Variants in NEBL observed in about 807,000 individuals in gnomAD.
NEBL encodes LIM and SH3 protein 2.
NEBL carries 122 observed loss-of-function variants against 140.2 expected under a neutral mutation model. That is an observed-to-expected ratio of 0.87 (90% CI 0.75 to 1.01). The LOEUF is 1.01. Ranked by LOEUF, NEBL falls within the 50% of genes least tolerant of loss-of-function variation. The probability of loss-of-function intolerance (pLI) is 0.00; values close to 1 mark genes in which losing one functional copy is unlikely to be tolerated. For synonymous variants in NEBL, 436 were observed against 398.9 expected, an observed-to-expected ratio of 1.09 and a Z score of -1.11; for missense variants, 1,365 against 1,231.3, an observed-to-expected ratio of 1.11 and a Z score of -1.62.
chr10:21,135,415 G>A (rs1051189144), intron 2 of NEBL, among the ~76,000 whole-genome samples: 3 of 151,292 alleles, frequency 2.0e-5, no homozygotes, highest in African/African-American at 7.3e-5. Flanking sequence ...TTACATGCTA[G>A]TTACAGCCTC....
chr10:20,819,260 C>T (rs1839037448), intron 20 of NEBL, 164 bp downstream of exon 20: 1 of 1,196,324 alleles, frequency 8.4e-7, no homozygotes, highest in Non-Finnish European at 1.2e-6. Context: ...TTATTCCCCT[C>T]TATGTGTCCA....
intron 2 of NEBL, among the ~76,000 whole-genome samples, chr10:21,249,925 G>A (rs12762123): frequency 6.6e-6 from 1 of 151,878 alleles, no homozygotes; most frequent in Non-Finnish European, 1.5e-5. Flanking sequence ...TTGACTGGGT[G>A]TGGTGGTACA....
intron 2 of NEBL, chr10:21,146,498 CTT>C: frequency 6.2e-7 from 1 of 1,612,490 alleles, no homozygotes. Context: ...TCTTCTTTCA[CTT>C]TTAGCCATCC....
chr10:20,936,556 T>C (rs1384768049), intron 4 of NEBL, among the ~76,000 whole-genome samples: 1 of 152,220 alleles, frequency 6.6e-6, no homozygotes, highest in East Asian at 1.9e-4. Context: ...TACAATTAGG[T>C]CTGGCCTTAG....
chr10:20,829,817 A>C (rs1460734971), intron 16 of NEBL, among the ~76,000 whole-genome samples: 1 of 152,116 alleles, frequency 6.6e-6, no homozygotes, highest in African/African-American at 2.4e-5. Flanking sequence ...TGTATATATC[A>C]TGGTTGTAAT....
chr10:21,039,183 C>T (rs1171330541), intron 2 of NEBL, among the ~76,000 whole-genome samples: 1 of 145,610 alleles, frequency 6.9e-6, no homozygotes, highest in Non-Finnish European at 1.5e-5. Context: ...GTTGCCTGTT[C>T]ACTCTGATGA....
In NEBL at chr10:21,046,246, A is replaced by G. The variant is rs1485285672; in HGVS notation, c.165-26045T>C. On this transcript the variant is annotated intron_variant, in intron 2 of 6. Transcript: ENST00000417816. ...GCTGGGAGATGAGAGGAATAGGGAG[A>G]TGTTGGTTGATGGGTACAAAACTTC... 4.6e-5 allele frequency among the ~76,000 whole-genome samples: 7 copies of G among 152,206 alleles called. No individual in the cohort carries two copies. In the East Asian group the frequency reaches 1.2e-3, roughly 25 times the overall value.
At chr10:20,807,622 C>T (rs779487451) in intron 26 of NEBL, among the ~76,000 whole-genome samples, 1 of 152,182 alleles carries the variant, frequency 6.6e-6, no homozygotes, top group East Asian at 1.9e-4. Flanking sequence ...TCCTCAGTCA[C>T]ATTACTTTTT....
At chr10:20,947,754 G>T (rs1274400883) in intron 4 of NEBL, among the ~76,000 whole-genome samples, 1 of 151,986 alleles carries the variant, frequency 6.6e-6, no homozygotes, top group Non-Finnish European at 1.5e-5. Flanking sequence ...GTAGGAAGCA[G>T]ATGGAAGGAC....
rs1411948118 is a variant in NEBL, at chr10:20,819,144, T to C, written c.2055+280A>G. ...GAACTTGTGTTATGGGAGTTTGTTGTACAGATGACTTCATCACCCCGGCAT... is the reference window on the plus strand; with the variant it reads ...GAACTTGTGTTATGGGAGTTTGTTGCACAGATGACTTCATCACCCCGGCAT... On this transcript the variant is annotated intron_variant, in intron 20 of 27. Coordinates refer to ENST00000377122, the MANE Select transcript of NEBL (RefSeq NM_006393.3). 4 of 885,438 alleles carry C rather than the reference T, an allele frequency of 4.5e-6. No homozygotes were observed. In the African/African-American group the frequency reaches 6.9e-5, roughly 15 times the overall value. The allele number at this position is 885,438 out of a possible 1,614,324, so 54.8% of individuals were successfully genotyped here.
chr10:21,039,022 G>A (rs921483744), intron 2 of NEBL, among the ~76,000 whole-genome samples: 1 of 139,820 alleles, frequency 7.2e-6, no homozygotes, highest in Non-Finnish European at 1.5e-5. Context: ...TTTAAGAAGT[G>A]TTCTGTTCAT....
At chr10:20,907,375 A>C (rs183786824) in intron 4 of NEBL, among the ~76,000 whole-genome samples, 12 of 152,262 alleles carry the variant, frequency 7.9e-5, no homozygotes, top group Non-Finnish European at 2.9e-5. Context: ...ATCTTGTTTC[A>C]TTAATGAAAT....
chr10:21,260,527 C>A (rs765016134), intron 1 of NEBL, among the ~76,000 whole-genome samples: 13 of 152,092 alleles, frequency 8.5e-5, no homozygotes, highest in South Asian at 8.3e-4. Flanking sequence ...TATAAACTGC[C>A]CTTGATTGTG....
rs548675841 is a variant in NEBL at position 21,167,741 on chromosome 10, G to A, written c.164+4642C>T. On this transcript the variant is annotated intron_variant, in intron 2 of 6. Transcript: ENST00000417816. ...TGGGTAGCAAAATGTTTATAGTTTAGCTTGGCATATAAATTCACATAGAAA... is the reference window on the plus strand; with the variant it reads ...TGGGTAGCAAAATGTTTATAGTTTAACTTGGCATATAAATTCACATAGAAA... Among the ~76,000 whole-genome samples the A allele has an allele frequency of 5.3e-5, 8 of 152,292 alleles. No individual in the cohort carries two copies. In the South Asian group the frequency reaches 1.7e-3, roughly 32 times the overall value.
chr10:21,175,786 G>A (rs1341635207), upstream of NEBL, among the ~76,000 whole-genome samples: 1 of 152,020 alleles, frequency 6.6e-6, no homozygotes, highest in African/African-American at 2.4e-5. Context: ...AATGTATGAC[G>A]AGGGGAAAAA....
intron 26 of NEBL, among the ~76,000 whole-genome samples, chr10:20,788,867 T>A (rs957385573): frequency 6.6e-6 from 1 of 152,180 alleles, no homozygotes; most frequent in Admixed American, 6.5e-5. Context: ...TAGGGAGGCT[T>A]TTCTATATTA....
At chr10:20,996,038 G>C (rs545537315) in intron 3 of NEBL, among the ~76,000 whole-genome samples, 1 of 151,858 alleles carries the variant, frequency 6.6e-6, no homozygotes. Context: ...ACTTATCTTC[G>C]CCAGCAAGGT....
chr10:20,785,399 G>A lies in NEBL; in HGVS notation c.*348C>T, dbSNP rs1835321769. 1 of 314,384 alleles carries A rather than the reference G, an allele frequency of 3.2e-6. No homozygotes were observed. The highest frequency in any genetic ancestry group is 6.1e-6 in the Non-Finnish European group (1 of 163,334). 19.5% of individuals were successfully genotyped at this position (314,384 alleles called of 1,614,324 possible). On this transcript the variant is annotated 3_prime_UTR_variant, in exon 28 of 28. Coordinates refer to ENST00000377122, the MANE Select transcript of NEBL (RefSeq NM_006393.3). ...GGGGTGATTCCAAAGTGACAGCTAA[G>A]AAGTTTCAAACACACACTACATTTA...
intron 4 of NEBL, among the ~76,000 whole-genome samples, chr10:20,921,319 C>T (rs745769046): frequency 1.3e-5 from 2 of 152,202 alleles, no homozygotes; most frequent in Non-Finnish European, 2.9e-5. Flanking sequence ...CTCCCCTGCC[C>T]TGTTCCATGT....
Sources: gnomAD v4.1 joint callset for allele counts (sites outside exome capture counted in the v4.1 genomes callset) on GRCh38, gnomAD v4.1.1 for gene constraint, MANE v1.5 for transcripts, NCBI Gene and HGNC (gene_info 2026-07-23, HGNC 2026-07-21) for gene names.